Variants in CNTLN observed in about 807,000 individuals in gnomAD.
CNTLN encodes centlein, centrosomal protein.
In CNTLN, 212 loss-of-function variants were observed where a neutral mutation model predicts 180.0. That is an observed-to-expected ratio of 1.18 (90% confidence interval 1.05 to 1.32). The LOEUF is 1.32. Ranked by LOEUF, CNTLN falls within the 40% of genes most tolerant of loss-of-function variation. CNTLN has a pLI of 0.00. For synonymous variants in CNTLN, 722 were observed against 563.1 expected, an observed-to-expected ratio of 1.28 and a Z score of -3.99; for missense variants, 2,095 against 1,610.9, an observed-to-expected ratio of 1.30 and a Z score of -5.14.
chr9:17,397,029 G>C (rs920123987), intron 15 of CNTLN, among the ~76,000 whole-genome samples: 1 of 152,126 alleles, frequency 6.6e-6, no homozygotes, highest in African/African-American at 2.4e-5. Context: ...GGAAATTCTA[G>C]TGCTAGCTAC....
rs1822487439 is a variant in CNTLN, at chr9:17,201,033, TA to T, written c.450-25168del. ...CAATACCTAGTTTATTGAGAGTTTTTAACATGAAGGGATGTTGAATTTTATT... is the reference window on the plus strand; with the variant it reads ...CAATACCTAGTTTATTGAGAGTTTTTACATGAAGGGATGTTGAATTTTATT... On this transcript the variant is annotated intron_variant, in intron 2 of 25. Coordinates refer to ENST00000380647, the MANE Select transcript of CNTLN (RefSeq NM_017738.4). 2.0e-5 allele frequency among the ~76,000 whole-genome samples: 3 copies of T among 152,250 alleles called. No individual in the cohort carries two copies. In the South Asian group the frequency reaches 6.2e-4, roughly 32 times the overall value.
intron 18 of CNTLN, among the ~76,000 whole-genome samples, chr9:17,427,554 C>T (rs919249817): frequency 4.6e-5 from 7 of 151,456 alleles, no homozygotes; most frequent in African/African-American, 1.7e-4. Context: ...TCTTTTTTTT[C>T]TAAATTATTT....
At chr9:17,136,069 C>G (rs1251405025) in intron 1 of CNTLN, among the ~76,000 whole-genome samples, 1 of 152,158 alleles carries the variant, frequency 6.6e-6, no homozygotes, top group Non-Finnish European at 1.5e-5. Context: ...TTTGCTAAAT[C>G]AATTGCATTA....
chr9:17,254,819 CA>C (rs1038780626), intron 5 of CNTLN, among the ~76,000 whole-genome samples: 2 of 151,520 alleles, frequency 1.3e-5, no homozygotes, highest in Non-Finnish European at 3.0e-5. Flanking sequence ...TAACTTTCTG[CA>C]AAAAGTGTCA....
At chr9:17,397,000 A>T (rs1826579458) in intron 15 of CNTLN, among the ~76,000 whole-genome samples, 1 of 152,160 alleles carries the variant, frequency 6.6e-6, no homozygotes, top group Non-Finnish European at 1.5e-5. Flanking sequence ...TTTATATCTC[A>T]TTATTCCTCT....
chr9:17,372,841 G>C (rs529340480), intron 13 of CNTLN, among the ~76,000 whole-genome samples: 1 of 152,198 alleles, frequency 6.6e-6, no homozygotes, highest in East Asian at 1.9e-4. Flanking sequence ...ATTAATCAAT[G>C]TGATACATAT....
At chr9:17,304,205 G>T (rs1027667284) in intron 7 of CNTLN, among the ~76,000 whole-genome samples, 1 of 152,098 alleles carries the variant, frequency 6.6e-6, no homozygotes, top group Admixed American at 6.5e-5. Flanking sequence ...AGAGCTCTCC[G>T]TAACAAATCA....
chr9:17,452,200 T>C (rs745557277), intron 18 of CNTLN, among the ~76,000 whole-genome samples: 8 of 152,226 alleles, frequency 5.3e-5, no homozygotes, highest in Non-Finnish European at 1.0e-4. Context: ...TTTCTCATTA[T>C]TGGGCCTGAA....
At chr9:17,509,088 C>T in the CNTLN span, among the ~76,000 whole-genome samples, 2 of 152,220 alleles carry the variant, frequency 1.3e-5, no homozygotes, top group African/African-American at 2.4e-5. Flanking sequence ...TGTCTTTGCC[C>T]AGTGGGCTTC....
At chr9:17,490,232 G>T (rs905258420) in intron 25 of CNTLN, among the ~76,000 whole-genome samples, 2 of 152,016 alleles carry the variant, frequency 1.3e-5, no homozygotes, top group African/African-American at 4.8e-5. Flanking sequence ...GAGCAAAAAG[G>T]TTCTAGGTAA....
intron 23 of CNTLN, among the ~76,000 whole-genome samples, chr9:17,477,007 G>T (rs1036894054): frequency 1.3e-5 from 2 of 152,162 alleles, no homozygotes; most frequent in African/African-American, 4.8e-5. Flanking sequence ...TGCAGCTGGG[G>T]ACTTTAAGTT....
At chr9:17,274,772 T>G (rs1193836264) in intron 6 of CNTLN, among the ~76,000 whole-genome samples, 1 of 152,060 alleles carries the variant, frequency 6.6e-6, no homozygotes, top group Non-Finnish European at 1.5e-5. Flanking sequence ...TTTTCCTTCA[T>G]GTTAGTGGGC....
At chr9:17,371,552 A>G (rs371748054) in intron 13 of CNTLN, among the ~76,000 whole-genome samples, 1 of 152,290 alleles carries the variant, frequency 6.6e-6, no homozygotes, top group South Asian at 2.1e-4. Flanking sequence ...TCAGCATTGG[A>G]CAGATCTTCC....
chr9:17,214,739 A>T (rs956305163), intron 2 of CNTLN, among the ~76,000 whole-genome samples: 36 of 152,162 alleles, frequency 2.4e-4, no homozygotes, highest in Admixed American at 9.8e-4. Flanking sequence ...TATTTCTTGG[A>T]GGCTTTGTTC....
chr9:17,187,306 A>G (rs1302565011), intron 2 of CNTLN, among the ~76,000 whole-genome samples: 6 of 152,042 alleles, frequency 3.9e-5, no homozygotes, highest in Non-Finnish European at 7.4e-5. Flanking sequence ...TACATACTCT[A>G]TAAGTTTAAG....
intron 8 of CNTLN, among the ~76,000 whole-genome samples, chr9:17,327,902 G>A (rs548512784): frequency 2.0e-5 from 3 of 151,912 alleles, no homozygotes; most frequent in African/African-American, 7.2e-5. Context: ...GCAGTGAGCC[G>A]AGATTGCACC....
At chr9:17,237,354 TACACACACACACACACACACAC>T (rs59168012) in intron 5 of CNTLN, among the ~76,000 whole-genome samples, 140 of 106,488 alleles carry the variant, frequency 1.3e-3, no homozygotes, top group East Asian at 5.9e-3. Flanking sequence ...TATATGCCCC[TACACACACACACACACACACAC>T]ACACACACAC....
the CNTLN span, among the ~76,000 whole-genome samples, chr9:17,523,608 A>G: frequency 6.6e-6 from 1 of 152,234 alleles, no homozygotes; most frequent in Non-Finnish European, 1.5e-5. Flanking sequence ...GATTTTTCAC[A>G]GTGGAAAAAT....
chr9:17,256,448 G>C (rs905903393), intron 5 of CNTLN, among the ~76,000 whole-genome samples: 3 of 151,854 alleles, frequency 2.0e-5, no homozygotes, highest in African/African-American at 4.8e-5. Context: ...TTTAGTAAAA[G>C]CCATTATGAT....
Sources: gnomAD v4.1 joint callset for allele counts (sites outside exome capture counted in the v4.1 genomes callset) on GRCh38, gnomAD v4.1.1 for gene constraint, MANE v1.5 for transcripts, NCBI Gene and HGNC (gene_info 2026-07-23, HGNC 2026-07-21) for gene names.